Variants in RBBP4 observed in about 807,000 individuals in gnomAD.
The protein encoded by RBBP4 is histone-binding protein RBBP4.
In RBBP4, 3 loss-of-function variants were observed where a neutral mutation model predicts 57.2. That is an observed-to-expected ratio of 0.05 (90% CI 0.02 to 0.14). The LOEUF is 0.14. Among genes scored for constraint, RBBP4 ranks in the 10% least tolerant of loss-of-function variants. The probability of loss-of-function intolerance (pLI) is 1.00; values close to 1 mark genes in which losing one functional copy is unlikely to be tolerated. For synonymous variants in RBBP4, 151 were observed against 171.5 expected (o/e 0.88, Z 0.93); for missense variants, 107 against 520.6 (o/e 0.21, Z 7.73).
intron 3 of RBBP4, among the ~76,000 whole-genome samples, chr1:32,667,606 C>T (rs1007063674): frequency 2.0e-5 from 3 of 152,186 alleles, no homozygotes; most frequent in Admixed American, 6.5e-5. Context: ...CTCTCATCTC[C>T]GCACACGGGG....
intron 3 of RBBP4, among the ~76,000 whole-genome samples, chr1:32,660,866 G>A (rs1005188086): frequency 1.3e-5 from 2 of 152,264 alleles, no homozygotes; most frequent in African/African-American, 2.4e-5. Context: ...CTGGAGTGCA[G>A]TCACACAATC....
chr1:32,660,962 A>G (rs2148520242), intron 3 of RBBP4, among the ~76,000 whole-genome samples: 1 of 152,242 alleles, frequency 6.6e-6, no homozygotes, highest in East Asian at 1.9e-4. Context: ...GGCATGCGCC[A>G]CCATGCCCAG....
chr1:32,652,757 C>A (rs1273221542), intron 2 of RBBP4, among the ~76,000 whole-genome samples: 1 of 152,092 alleles, frequency 6.6e-6, no homozygotes, highest in Admixed American at 6.6e-5. Context: ...GTGGGACAGG[C>A]TGGTCTCCAA....
chr1:32,658,958 T>C (rs12127275), intron 3 of RBBP4, among the ~76,000 whole-genome samples: 4,993 of 148,752 alleles, frequency 0.034, 118 homozygotes, highest in South Asian at 0.058. Flanking sequence ...TACGTATATA[T>C]GTATGTATAT....
intron 2 of RBBP4, 89 bp downstream of exon 2, chr1:32,652,150 G>A: frequency 2.1e-6 from 3 of 1,435,510 alleles, no homozygotes; most frequent in Non-Finnish European, 2.8e-6. Context: ...TCAGTCACCC[G>A]GAGAAGGCAT....
chr1:32,676,612 CAAA>C (rs1229475952), intron 11 of RBBP4, among the ~76,000 whole-genome samples: 12 of 57,904 alleles, frequency 2.1e-4, no homozygotes, highest in Admixed American at 3.3e-4. Flanking sequence ...AACTCCATCT[CAAA>C]AAAAAAAAAA....
intron 8 of RBBP4, among the ~76,000 whole-genome samples, chr1:32,670,301 C>T (rs1648815798): frequency 6.6e-6 from 1 of 152,180 alleles, no homozygotes; most frequent in Non-Finnish European, 1.5e-5. Context: ...TCATTACTTG[C>T]CACATGTGTT....
intron 3 of RBBP4, among the ~76,000 whole-genome samples, chr1:32,657,889 A>G (rs1021780661): frequency 4.6e-5 from 7 of 151,972 alleles, no homozygotes; most frequent in South Asian, 2.1e-4. Flanking sequence ...GTCTCGCTCT[A>G]TTGCCTAGGT....
intron 3 of RBBP4, among the ~76,000 whole-genome samples, chr1:32,667,305 CCTT>C (rs1648695980): frequency 6.6e-6 from 1 of 152,206 alleles, no homozygotes; most frequent in African/African-American, 2.4e-5. Context: ...AGTCTTTGAT[CCTT>C]CTGATAAGTG....
Position 32,669,417 on chromosome 1 carries a change from G to C in RBBP4, c.888+60G>C. The C allele has an allele frequency of 1.2e-5, 19 of 1,568,850 alleles. No individual in the cohort carries two copies. The highest frequency in any genetic ancestry group is 1.6e-5 in the Non-Finnish European group (19 of 1,164,766). On this transcript the variant is annotated intron_variant, in intron 7 of 11. Coordinates refer to ENST00000373493, the MANE Select transcript of RBBP4 (RefSeq NM_005610.3). The surrounding 1 kb of genome is among the most constrained non-coding windows in gnomAD (Gnocchi z 4.9). ...TCTCTAGGTTTTTTTGAATTGCAGA[G>C]ATATTTTACTTACAGTATTTTTTTT...
intron 1 of RBBP4, 30 bp from the exon 2 acceptor site, chr1:32,651,881 TTGC>T (rs1459208797): frequency 1.2e-6 from 2 of 1,607,392 alleles, no homozygotes; most frequent in Middle Eastern, 1.9e-4. Flanking sequence ...TTCCGTTTGT[TTGC>T]TAACTTAAAT....
In RBBP4 at chr1:32,651,276, C is replaced by T; in HGVS notation, c.-31C>T. ...TCCCCGCCCCTCCCGCAACGCTCGA[C>T]CCCAGGATTCCCCCGGCTCGCCTGC... is the stretch of plus-strand genomic sequence containing the variant. On this transcript the variant is annotated 5_prime_UTR_variant, in exon 1 of 12. Coordinates refer to ENST00000373493, the MANE Select transcript of RBBP4 (RefSeq NM_005610.3). 3 of 1,493,718 alleles carry T rather than the reference C, an allele frequency of 2.0e-6. No individual in the cohort carries two copies. Among genetic ancestry groups the T allele is most frequent in the Non-Finnish European group, 8.9e-7 (1 of 1,122,524 alleles). The allele number at this position is 1,493,718 out of a possible 1,614,324, so 92.5% of individuals were successfully genotyped here.
intron 11 of RBBP4, among the ~76,000 whole-genome samples, chr1:32,677,477 A>AC (rs1553196772): frequency 2.7e-5 from 4 of 150,468 alleles, no homozygotes; most frequent in African/African-American, 7.3e-5. Context: ...ATTTAAAAAA[A>AC]AAAACAAAAC....
chr1:32,678,567 CTTTTTTTTTTTTTTTTTTTTTTTTT>C (rs558897341), intron 11 of RBBP4, among the ~76,000 whole-genome samples: 2 of 43,620 alleles, frequency 4.6e-5, no homozygotes, highest in Non-Finnish European at 8.1e-5. Context: ...TATGTGACAG[CTTTTTTTTTTTTTTTTTTTTTTTTT>C]TTTTTTTTTT....
At chr1:32,668,493 T>G (rs1648745366) in intron 4 of RBBP4, 95 bp downstream of exon 4, 1 of 1,288,758 alleles carries the variant, frequency 7.8e-7, no homozygotes, top group African/African-American at 1.5e-5. Flanking sequence ...TCTGTGTAAT[T>G]TAACATCTTG....
chr1:32,669,451 AAAT>A lies in RBBP4; in HGVS notation c.889-34_889-32del. On this transcript the variant is annotated intron_variant, in intron 7 of 11. Coordinates refer to ENST00000373493, the MANE Select transcript of RBBP4 (RefSeq NM_005610.3). The surrounding 1 kb of genome is among the most constrained non-coding windows in gnomAD (Gnocchi z 4.9). The stretch of plus-strand genomic sequence containing the variant: ...CTTACAGTATTTTTTTTTTCTTAAA[AAAT>A]TGATTACTCTTGCTTTTCTTTTTGT... 3.2e-6 allele frequency: 5 copies of A among 1,568,038 alleles called. No individual in the cohort carries two copies. The highest frequency in any genetic ancestry group is 4.3e-6 in the Non-Finnish European group (5 of 1,165,808).
intron 11 of RBBP4, among the ~76,000 whole-genome samples, chr1:32,676,591 A>G (rs1262886723): frequency 6.9e-6 from 1 of 145,716 alleles, no homozygotes; most frequent in Non-Finnish European, 1.5e-5. Context: ...GAACATGGGC[A>G]ACAAGAGCAA....
At chr1:32,678,962 A>G (rs912504886) in intron 11 of RBBP4, among the ~76,000 whole-genome samples, 2 of 152,010 alleles carry the variant, frequency 1.3e-5, no homozygotes, top group Non-Finnish European at 2.9e-5. Flanking sequence ...TTAGTAGTTG[A>G]TGGATATTTG....
intron 4 of RBBP4, 62 bp from the exon 5 acceptor site, chr1:32,668,677 A>G: frequency 1.5e-6 from 2 of 1,339,458 alleles, no homozygotes; most frequent in Admixed American, 3.6e-5. Context: ...AAATTCCATT[A>G]TGCTCAGTAG....
Sources: allele counts gnomAD v4.1 joint callset (sites outside exome capture counted in the v4.1 genomes callset), GRCh38; gene constraint gnomAD v4.1.1; non-coding constraint Gnocchi (gnomAD v3.1); transcripts MANE v1.5; gene names NCBI Gene and HGNC (gene_info 2026-07-23, HGNC 2026-07-21).